ZNF609: variants seen among roughly 807,000 people sequenced by gnomAD.
ZNF609 encodes the protein zinc finger protein 609.
A neutral mutation model predicts 109.5 loss-of-function variants in ZNF609; 11 were observed. The observed-to-expected ratio is 0.10, with a 90% CI of 0.06 to 0.17. ZNF609 has a LOEUF of 0.17. Among genes scored for constraint, ZNF609 ranks in the 10% least tolerant of loss-of-function variants. The pLI is 1.00. For missense variants in ZNF609, 1,559 were observed against 1,772.4 expected, an observed-to-expected ratio of 0.88 and a Z score of 2.16; for synonymous variants, 646 against 662.0, an observed-to-expected ratio of 0.98 and a Z score of 0.37.
Position 64,676,146 on chromosome 15 carries a change from A to C in ZNF609, c.3292A>C (p.Lys1098Gln), listed in dbSNP as rs1157560842. The change falls in exon 5 of 10, where the codon AAA becomes CAA. Residue 1098 changes from lysine to glutamine, a missense_variant. Physicochemically the swap from Lys to Gln is moderately conservative, Grantham distance 53 (BLOSUM62 1). Coordinates refer to ENST00000326648, the MANE Select transcript of ZNF609 (RefSeq NM_015042.2). ...CCCGGGCCAGGCCCCTGAAGGCCTTAAAGTGAAGCTGAGTGATGCCAGCCA... is the reference window on the plus strand; with the variant it reads ...CCCGGGCCAGGCCCCTGAAGGCCTTCAAGTGAAGCTGAGTGATGCCAGCCA... ...KLPGQAPEGLKVKLSDASHLS... is the reference protein window; with the variant it reads ...KLPGQAPEGLQVKLSDASHLS... The C allele has an allele frequency of 5.0e-6, 8 of 1,614,254 alleles. No individual in the cohort carries two copies. The highest frequency in any genetic ancestry group is 4.4e-5 in the South Asian group (4 of 91,090).
chr15:64,517,268 T>C (rs1441563280), intron 2 of ZNF609, among the ~76,000 whole-genome samples: 1 of 152,058 alleles, frequency 6.6e-6, no homozygotes, highest in African/African-American at 2.4e-5. Flanking sequence ...TCCAAGCTTC[T>C]CAGGAAGCTG....
intron 2 of ZNF609, among the ~76,000 whole-genome samples, chr15:64,564,170 T>C (rs1424826049): frequency 1.3e-5 from 2 of 151,482 alleles, no homozygotes; most frequent in Non-Finnish European, 2.9e-5. Context: ...ATGCGCTGGC[T>C]GCTACAAAGT....
intron 2 of ZNF609, among the ~76,000 whole-genome samples, chr15:64,616,038 A>G (rs978115093): frequency 2.0e-5 from 3 of 151,718 alleles, no homozygotes; most frequent in African/African-American, 7.3e-5. Flanking sequence ...TTTTTTTCAG[A>G]TAGGGTCTCT....
Position 64,499,841 on chromosome 15 carries a change from A to T in ZNF609, c.422A>T (p.Lys141Met), listed in dbSNP as rs1193231931. 5 of 1,613,950 alleles carry T rather than the reference A, an allele frequency of 3.1e-6. No homozygotes were observed. ...GGCCTGGTTGCTGCTATTGCTCCCA[A>T]GGGCTCAGAGAAGGCGGCTAAGGCA... ...AGGLVAAIAP[K>M]GSEKAAKASR... The change falls in exon 2 of 10, where the codon AAG becomes ATG. Residue 141 changes from lysine to methionine, a missense_variant. Physicochemically the swap from Lys to Met is moderately conservative, Grantham distance 95. Around this residue, in one of 4 missense-constraint regions of ZNF609, gnomAD observed 291 missense variants for 317.8 expected, o/e 0.92. Transcript: ENST00000326648.
intron 2 of ZNF609, among the ~76,000 whole-genome samples, chr15:64,575,356 G>A (rs559938194): frequency 4.6e-5 from 7 of 152,022 alleles, no homozygotes; most frequent in South Asian, 2.1e-4. Context: ...CCTGGGAGGC[G>A]GAGGTTGCAG....
At chr15:64,649,037 A>G (rs917463821) in intron 3 of ZNF609, among the ~76,000 whole-genome samples, 4 of 152,166 alleles carry the variant, frequency 2.6e-5, no homozygotes, top group African/African-American at 4.8e-5. Context: ...TAAGAGAAAG[A>G]ATTTGAAATG....
At position 64,678,299 on chromosome 15, in the gene ZNF609, T is replaced by G; in HGVS notation, c.3586T>G (p.Ser1196Ala). Residue 1196 changes from serine to alanine, a missense_variant, in exon 6 of 10, where the codon TCA (serine) becomes GCA (alanine). Transcript: ENST00000326648. ...AAGTAGTGACTGCAAGCTGCCCACGTCAGAGGAGTCTCGCCTTGGGAGCAA... is the reference window on the plus strand; with the variant it reads ...AAGTAGTGACTGCAAGCTGCCCACGGCAGAGGAGTCTCGCCTTGGGAGCAA... ...STSSDCKLPT[S>A]EESRLGSKEP... 6.2e-7 allele frequency: 1 copy of G among 1,614,132 alleles called. No homozygotes were observed.
At chr15:64,463,860 T>A (rs1892976109) in intron 1 of ZNF609, among the ~76,000 whole-genome samples, 1 of 152,248 alleles carries the variant, frequency 6.6e-6, no homozygotes, top group African/African-American at 2.4e-5. Context: ...AGCTTTTTGC[T>A]CTTGGGCTCT....
chr15:64,535,608 G>A (rs1203379620), intron 2 of ZNF609, among the ~76,000 whole-genome samples: 1 of 152,186 alleles, frequency 6.6e-6, no homozygotes, highest in Non-Finnish European at 1.5e-5. Context: ...TTTTGTGTGT[G>A]TGTGAACATA....
At chr15:64,475,834 T>G (rs906665949) in intron 1 of ZNF609, among the ~76,000 whole-genome samples, 3 of 152,220 alleles carry the variant, frequency 2.0e-5, no homozygotes, top group African/African-American at 4.8e-5. Flanking sequence ...TAATTAATGC[T>G]TGATGAATTG....
chr15:64,490,343 G>A lies in ZNF609; in HGVS notation c.-127-8950G>A, dbSNP rs796177339. The stretch of plus-strand genomic sequence containing the variant: ...GGCTGGAGTGCAATGGCACGGTCTC[G>A]GCTCACTGCAACCTCCACCTCGCGG... On this transcript the variant is annotated intron_variant, in intron 1 of 9. Coordinates refer to ENST00000326648, the MANE Select transcript of ZNF609 (RefSeq NM_015042.2). Among the ~76,000 whole-genome samples, 9 of 148,894 alleles carry A rather than the reference G, an allele frequency of 6.0e-5. No individual in the cohort carries two copies. The South Asian group carries it at 1.9e-3, about 32-fold the overall frequency.
chr15:64,612,646 TA>T (rs1443025447), intron 2 of ZNF609, among the ~76,000 whole-genome samples: 19 of 110,388 alleles, frequency 1.7e-4, no homozygotes, highest in African/African-American at 5.8e-4. Context: ...TTTTTTTTTT[TA>T]ATTTATTTTT....
rs56338576 is a variant in ZNF609, at chr15:64,616,812, C to CTTTTTT, written c.748-5995_748-5990dup. On this transcript the variant is annotated intron_variant, in intron 2 of 9. Coordinates refer to ENST00000326648, the MANE Select transcript of ZNF609 (RefSeq NM_015042.2). ...GGGATTACAGGTGTGAGCCACCATGCTTTTTTTTTTTTTTTTTTTTTTTTT... is the reference window on the plus strand; with the variant it reads ...GGGATTACAGGTGTGAGCCACCATGCTTTTTTTTTTTTTTTTTTTTTTTTTTTTTTT... Among the ~76,000 whole-genome samples the CTTTTTT allele has an allele frequency of 3.1e-3, 103 of 32,850 alleles. 17 individuals carry two copies. The highest frequency in any genetic ancestry group is 5.3e-3 in the African/African-American group (37 of 6,966). 21.6% of individuals were successfully genotyped at this position (32,850 alleles called of 152,430 possible). A position where few individuals can be genotyped will look rare whatever the true frequency, so the allele number is the denominator to read the frequency against.
At chr15:64,571,184 T>C (rs183937555) in intron 2 of ZNF609, among the ~76,000 whole-genome samples, 4 of 152,162 alleles carry the variant, frequency 2.6e-5, no homozygotes, top group Admixed American at 2.0e-4. Context: ...GAGGGGAAAA[T>C]AGGAATTCTA....
chr15:64,488,600 A>G (rs967738469), intron 1 of ZNF609, among the ~76,000 whole-genome samples: 4 of 152,174 alleles, frequency 2.6e-5, no homozygotes, highest in Admixed American at 6.5e-5. Flanking sequence ...TGGCTAGTCT[A>G]ACATTATTTA....
intron 3 of ZNF609, among the ~76,000 whole-genome samples, chr15:64,657,888 G>A (rs994317468): frequency 6.6e-6 from 1 of 151,816 alleles, no homozygotes; most frequent in South Asian, 2.1e-4. Context: ...TTTAGCCCTT[G>A]ATCCCTCCTG....
intron 3 of ZNF609, among the ~76,000 whole-genome samples, chr15:64,630,852 C>T (rs1164555278): frequency 6.6e-6 from 1 of 152,162 alleles, no homozygotes; most frequent in Non-Finnish European, 1.5e-5. Flanking sequence ...GAGGCACTGT[C>T]TTCAAACCAA....
chr15:64,579,518 C>T (rs557888854), intron 2 of ZNF609, among the ~76,000 whole-genome samples: 1 of 151,878 alleles, frequency 6.6e-6, no homozygotes, highest in Non-Finnish European at 1.5e-5. Flanking sequence ...CGATACTAGC[C>T]TGGCCAACAT....
At chr15:64,576,046 G>C (rs1894946745) in intron 2 of ZNF609, among the ~76,000 whole-genome samples, 1 of 152,274 alleles carries the variant, frequency 6.6e-6, no homozygotes, top group African/African-American at 2.4e-5. Context: ...AGCTTGCAGT[G>C]AGCCGAGATC....
Sources: allele counts gnomAD v4.1 joint callset (sites outside exome capture counted in the v4.1 genomes callset), GRCh38; gene constraint gnomAD v4.1.1; regional missense constraint gnomAD v4.1.1; transcripts MANE v1.5; gene names NCBI Gene and HGNC (gene_info 2026-07-23, HGNC 2026-07-21).